The following RUSF1 variants were observed in gnomAD, a reference collection of about 807,000 sequenced individuals.
RUSF1 encodes the protein RUS family member 1, also known as RUS1 family protein C16orf58.
In RUSF1, 58 loss-of-function variants were observed where a neutral mutation model predicts 63.0. That is an observed-to-expected ratio of 0.92 (90% CI 0.75 to 1.15). The LOEUF (loss-of-function observed/expected upper bound fraction) is 1.15. Among genes scored for constraint, RUSF1 ranks in the 50% most tolerant of loss-of-function variants. The probability of loss-of-function intolerance (pLI) is 0.00; values close to 1 mark genes in which losing one functional copy is unlikely to be tolerated. For synonymous variants in RUSF1, 274 were observed against 255.8 expected, an observed-to-expected ratio of 1.07 and a Z score of -0.68; for missense variants, 652 against 611.0, an observed-to-expected ratio of 1.07 and a Z score of -0.71.
intron 2 of RUSF1, among the ~76,000 whole-genome samples, chr16:31,502,500 G>A (rs1310134965): frequency 1.3e-5 from 2 of 152,156 alleles, no homozygotes; most frequent in Non-Finnish European, 2.9e-5. Flanking sequence ...TAAAATTGAG[G>A]TATTTTACAA....
intron 6 of RUSF1, 95 bp downstream of exon 6, chr16:31,496,754 C>A: frequency 9.1e-7 from 1 of 1,097,888 alleles, no homozygotes; most frequent in Non-Finnish European, 1.3e-6. Flanking sequence ...ACCCATACTT[C>A]TTCCTGTGTG....
At chr16:31,501,719 A>T (rs981675036) in intron 2 of RUSF1, among the ~76,000 whole-genome samples, 27 of 152,162 alleles carry the variant, frequency 1.8e-4, no homozygotes, top group Non-Finnish European at 3.4e-4. Flanking sequence ...TGCACAACAA[A>T]TGCTTTCTGG....
At chr16:31,496,762 G>T (rs1339367687) in intron 6 of RUSF1, 87 bp downstream of exon 6, 2 of 1,149,710 alleles carry the variant, frequency 1.7e-6, no homozygotes, top group African/African-American at 1.6e-5. Flanking sequence ...TTCTTCCTGT[G>T]TGTTCCTGGG....
At chr16:31,501,226 T>C (rs2082631362) in intron 2 of RUSF1, among the ~76,000 whole-genome samples, 1 of 152,218 alleles carries the variant, frequency 6.6e-6, no homozygotes, top group African/African-American at 2.4e-5. Flanking sequence ...TCAAAGGTTA[T>C]TGCTAACCTG....
At position 31,508,354 on chromosome 16, in the gene RUSF1, A is replaced by G; in HGVS notation, c.20T>C (p.Leu7Ser). 6.5e-7 allele frequency: 1 copy of G among 1,530,342 alleles called. No homozygotes were observed. Among genetic ancestry groups the G allele is most frequent in the Non-Finnish European group, 8.7e-7 (1 of 1,151,234 alleles). The allele number at this position is 1,530,342 out of a possible 1,614,324, so 94.8% of individuals were successfully genotyped here. Reference sequence around the variant, plus strand: ...CTGCTCGGAACACAGCGGGGTCTCCAAACCCGCGTCGTCAGCCATGCCGAG... The same window carrying G: ...CTGCTCGGAACACAGCGGGGTCTCCGAACCCGCGTCGTCAGCCATGCCGAG... MADDAG[L>S]ETPLCSEQFG... Residue 7 changes from leucine to serine, a missense_variant, in exon 1 of 13, where the codon TTG becomes TCG. By Grantham distance (145) the Leu-to-Ser change is moderately radical. Transcript: ENST00000327237.
chr16:31,499,608 T>TA (rs1348779591), intron 3 of RUSF1, 83 bp from the exon 4 acceptor site: 1 of 1,365,550 alleles, frequency 7.3e-7, no homozygotes, highest in African/African-American at 1.5e-5. Flanking sequence ...TGGACCACAG[T>TA]AAAGTCTGAA....
At chr16:31,501,596 G>C (rs1322052391) in intron 2 of RUSF1, among the ~76,000 whole-genome samples, 1 of 120,098 alleles carries the variant, frequency 8.3e-6, no homozygotes. Context: ...CCAGTCTCAG[G>C]AAAAAAAAAA....
Position 31,492,981 on chromosome 16 carries a change from G to T in RUSF1, c.1084C>A (p.Gln362Lys). Residue 362 changes from glutamine to lysine, a missense_variant, in exon 10 of 13, where the codon CAA becomes AAA. Transcript: ENST00000327237. The part of the protein sequence containing the change: ...ESYLLCWDQS[Q>K]NQVQVVLNQK... Reference sequence around the variant, plus strand: ...TGGGAGAATGAGGCACACTCACTTTGTGACTGGTCCCAGCAGAGGAGGTAG... The same window carrying T: ...TGGGAGAATGAGGCACACTCACTTTTTGACTGGTCCCAGCAGAGGAGGTAG... 1 of 1,610,194 alleles carries T rather than the reference G, an allele frequency of 6.2e-7. No homozygotes were observed. The highest frequency in any genetic ancestry group is 8.5e-7 in the Non-Finnish European group (1 of 1,177,252).
chr16:31,501,823 T>C lies in RUSF1; in HGVS notation c.416-1092A>G, dbSNP rs148586918. ...GCCAAAGAGCAGATAACAATCAGTA[T>C]AGAAAACACTGATTTAGACCAGGAA... On this transcript the variant is annotated intron_variant, in intron 2 of 12. Transcript: ENST00000327237. Among the ~76,000 whole-genome samples the C allele has an allele frequency of 1.7e-3, 255 of 152,258 alleles. 1 individual carries two copies. The highest frequency in any genetic ancestry group is 6.0e-3 in the African/African-American group (248 of 41,550).
chr16:31,489,909 C>T lies in RUSF1; in HGVS notation c.*926G>A. 2.9e-6 allele frequency: 2 copies of T among 691,616 alleles called. No homozygotes were observed. The highest frequency in any genetic ancestry group is 5.0e-6 in the Non-Finnish European group (2 of 397,924). The allele number at this position is 691,616 out of a possible 1,614,324, so 42.8% of individuals were successfully genotyped here. A position where few individuals can be genotyped will look rare whatever the true frequency, so the allele number is the denominator to read the frequency against. On this transcript the variant is annotated 3_prime_UTR_variant, in exon 13 of 13. Transcript: ENST00000327237. ...AGGCCAACGGCTTTAAACACAAGCT[C>T]AGGGGCTTGGGGTTTATCCCGAGGG... is the stretch of plus-strand genomic sequence containing the variant.
chr16:31,503,633 T>C (rs1156969734), intron 2 of RUSF1, among the ~76,000 whole-genome samples: 1 of 152,194 alleles, frequency 6.6e-6, no homozygotes, highest in Non-Finnish European at 1.5e-5. Context: ...AAATCCTAAT[T>C]GAGAGCTTCT....
chr16:31,498,905 C>T lies in RUSF1; in HGVS notation c.600+397G>A, dbSNP rs968939723. Among the ~76,000 whole-genome samples the T allele has an allele frequency of 8.5e-5, 13 of 152,184 alleles. No homozygotes were observed. In the East Asian group the frequency reaches 2.5e-3, roughly 29 times the overall value. On this transcript the variant is annotated intron_variant, in intron 5 of 12. Transcript: ENST00000327237. ...TTTAGAATACCTGTACCTATAATTC[C>T]ACAAACACTGGTGCAATTATGTGTG...
chr16:31,497,821 G>C (rs567637263), intron 5 of RUSF1, among the ~76,000 whole-genome samples: 2 of 152,344 alleles, frequency 1.3e-5, no homozygotes, highest in South Asian at 4.1e-4. Flanking sequence ...GAAGTGGCTG[G>C]CAGGGACCTG....
At chr16:31,505,159 A>ATGCTGCTC (rs765524478) in intron 2 of RUSF1, among the ~76,000 whole-genome samples, 10 of 152,170 alleles carry the variant, frequency 6.6e-5, no homozygotes, top group Non-Finnish European at 1.2e-4. Flanking sequence ...GCTGGCGGCA[A>ATGCTGCTC]TGCTGCTCTG....
At position 31,490,545 on chromosome 16, in the gene RUSF1, C is replaced by T. The variant is rs373179527; in HGVS notation, c.*290G>A. 24 of 1,593,628 alleles carry T rather than the reference C, an allele frequency of 1.5e-5. No individual in the cohort carries two copies. Among genetic ancestry groups the T allele is most frequent in the African/African-American group, 1.2e-4 (9 of 74,730 alleles). ...GGGCTTCTATGCCTAAGACCAACTG[C>T]GTTGGACACCATAAGCCACAGCCTC... On this transcript the variant is annotated 3_prime_UTR_variant, in exon 13 of 13. Coordinates refer to ENST00000327237, the MANE Select transcript of RUSF1 (RefSeq NM_022744.4).
Position 31,493,587 on chromosome 16 carries a change from C to G in RUSF1, c.958+16G>C. The G allele has an allele frequency of 6.2e-7, 1 of 1,614,154 alleles. No homozygotes were observed. The highest frequency in any genetic ancestry group is 8.5e-7 in the Non-Finnish European group (1 of 1,180,028). ...AGAGGTTGAGACACAGGACCCGAGACCAGGGGCAGGGTCACCTGTCCACAG... is the reference window on the plus strand; with the variant it reads ...AGAGGTTGAGACACAGGACCCGAGAGCAGGGGCAGGGTCACCTGTCCACAG... On this transcript the variant is annotated intron_variant, in intron 8 of 12. Coordinates refer to ENST00000327237, the MANE Select transcript of RUSF1 (RefSeq NM_022744.4).
intron 5 of RUSF1, among the ~76,000 whole-genome samples, chr16:31,498,379 A>G (rs1596628503): frequency 6.6e-6 from 1 of 152,192 alleles, no homozygotes; most frequent in Non-Finnish European, 1.5e-5. Context: ...GGGTGCTCGT[A>G]GCATTTAGGC....
chr16:31,492,924 G>A (rs2142644409), intron 10 of RUSF1, 54 bp downstream of exon 10: 3 of 1,542,182 alleles, frequency 1.9e-6, no homozygotes, highest in East Asian at 2.3e-5. Flanking sequence ...TTGGAGGAAT[G>A]AGAGGCTGAC....
At position 31,490,591 on chromosome 16, in the gene RUSF1, G is replaced by A; in HGVS notation, c.*244C>T. The A allele has an allele frequency of 7.0e-7, 1 of 1,421,122 alleles. No homozygotes were observed. Among genetic ancestry groups the A allele is most frequent in the South Asian group, 1.2e-5 (1 of 83,390 alleles). The allele number at this position is 1,421,122 out of a possible 1,614,324, so 88.0% of individuals were successfully genotyped here. On this transcript the variant is annotated 3_prime_UTR_variant, in exon 13 of 13. Coordinates refer to ENST00000327237, the MANE Select transcript of RUSF1 (RefSeq NM_022744.4). ...GCCTCACAGGAAGTGGGGGTGAGGA[G>A]CCTGCGGTGCTCCCCAGAAAAGGGG...
Sources: gnomAD v4.1 joint callset for allele counts (sites outside exome capture counted in the v4.1 genomes callset) on GRCh38, gnomAD v4.1.1 for gene constraint, MANE v1.5 for transcripts, NCBI Gene and HGNC (gene_info 2026-07-23, HGNC 2026-07-21) for gene names.